Variants in SH3BGR observed in about 807,000 individuals in gnomAD.
The protein encoded by SH3BGR is SH3 domain binding glutamate rich protein, also known as SH3 domain-binding glutamic acid-rich protein.
Under a neutral mutation model 24.5 loss-of-function variants are expected in SH3BGR, and 29 were observed. The ratio of observed to expected loss-of-function variants is 1.18; its 90% CI spans 0.88 to 1.61. The LOEUF (loss-of-function observed/expected upper bound fraction) is 1.61, where lower values mean the gene tolerates loss of function less well. Ranked by LOEUF, SH3BGR falls within the 40% of genes most tolerant of loss-of-function variation. The probability of loss-of-function intolerance (pLI) is 0.00; values close to 1 mark genes in which losing one functional copy is unlikely to be tolerated. For synonymous variants in SH3BGR, 55 were observed against 65.7 expected (o/e 0.84, Z 0.79); for missense variants, 162 against 205.8 (o/e 0.79, Z 1.30).
chr21:39,466,786 T>G (rs1456332733), intron 2 of SH3BGR, among the ~76,000 whole-genome samples: 1 of 152,218 alleles, frequency 6.6e-6, no homozygotes, highest in Non-Finnish European at 1.5e-5. Context: ...AGACAGATTA[T>G]GGGAACTACA....
intron 4 of SH3BGR, among the ~76,000 whole-genome samples, 157 bp from the exon 5 acceptor site, chr21:39,508,841 C>CTATCATAA (rs1003027759): frequency 9.9e-5 from 15 of 152,264 alleles, no homozygotes; most frequent in African/African-American, 3.4e-4. Context: ...GATCACCCAG[C>CTATCATAA]TATCATATCT....
In SH3BGR at chr21:39,462,374, G is replaced by A; in HGVS notation, c.46-1G>A. 1 of 1,602,386 alleles carries A rather than the reference G, an allele frequency of 6.2e-7. No individual in the cohort carries two copies. The highest frequency in any genetic ancestry group is 8.5e-7 in the Non-Finnish European group (1 of 1,177,006). On this transcript the variant is annotated splice_acceptor_variant, in intron 1 of 6. Transcript: ENST00000333634. LOFTEE classifies it high-confidence loss of function. The stretch of plus-strand genomic sequence containing the variant: ...CCTAATATTTCTCTACTCTTGACCA[G>A]ATTAGGAAGAAACAGCAAGAAGTAG...
chr21:39,487,249 C>T (rs1199395824), intron 3 of SH3BGR, among the ~76,000 whole-genome samples: 1 of 152,090 alleles, frequency 6.6e-6, no homozygotes, highest in Non-Finnish European at 1.5e-5. Flanking sequence ...CTCAAGCGAT[C>T]CTCCCACCAC....
At chr21:39,484,954 A>T (rs1569163821) in intron 3 of SH3BGR, among the ~76,000 whole-genome samples, 1 of 152,242 alleles carries the variant, frequency 6.6e-6, no homozygotes, top group Non-Finnish European at 1.5e-5. Context: ...CAAGCTAAAA[A>T]TAGGTACTCT....
chr21:39,509,283 G>A (rs1193069425), intron 5 of SH3BGR, among the ~76,000 whole-genome samples: 1 of 152,114 alleles, frequency 6.6e-6, no homozygotes, highest in East Asian at 1.9e-4. Context: ...GTCTTCCGTG[G>A]TTTCTCACTG....
At chr21:39,512,653 G>A (rs1300614392) in intron 6 of SH3BGR, among the ~76,000 whole-genome samples, 1 of 152,108 alleles carries the variant, frequency 6.6e-6, no homozygotes, top group African/African-American at 2.4e-5. Flanking sequence ...TTAGCCGGGT[G>A]GGGTGGCTCA....
At chr21:39,490,046 C>T (rs1014294637) in intron 3 of SH3BGR, among the ~76,000 whole-genome samples, 6 of 152,060 alleles carry the variant, frequency 3.9e-5, no homozygotes, top group African/African-American at 7.2e-5. Flanking sequence ...TTCGAAAGGG[C>T]GCATCTCAAT....
At chr21:39,484,555 T>C (rs535613257) in intron 3 of SH3BGR, among the ~76,000 whole-genome samples, 1 of 152,342 alleles carries the variant, frequency 6.6e-6, no homozygotes, top group African/African-American at 2.4e-5. Context: ...GATCCTACCC[T>C]GATTTGTGCT....
intron 4 of SH3BGR, among the ~76,000 whole-genome samples, chr21:39,507,844 C>T (rs1043785189): frequency 2.0e-5 from 3 of 152,108 alleles, no homozygotes. Flanking sequence ...TGGTCTTGAA[C>T]TCCTGGCCTC....
Position 39,511,595 on chromosome 21 carries a change from C to T in SH3BGR, c.436-85C>T. 1 of 1,411,068 alleles carries T rather than the reference C, an allele frequency of 7.1e-7. No homozygotes were observed. 87.4% of individuals were successfully genotyped at this position (1,411,068 alleles called of 1,614,324 possible). ...GGTGGGGTGTGGGAGGCTTTGACCT[C>T]TAGTCCAGCATTTTACAGTCTTTTT... is the stretch of plus-strand genomic sequence containing the variant. On this transcript the variant is annotated intron_variant, in intron 5 of 6. Coordinates refer to ENST00000333634, the MANE Select transcript of SH3BGR (RefSeq NM_007341.3). The surrounding 1 kb of genome is among the most constrained non-coding windows in gnomAD (Gnocchi z 4.2).
intron 3 of SH3BGR, 118 bp from the exon 4 acceptor site, chr21:39,499,705 A>G (rs2078460710): frequency 1.5e-6 from 1 of 670,908 alleles, no homozygotes; most frequent in African/African-American, 1.8e-5. Flanking sequence ...TGGGCAGTCT[A>G]TGTTTGCTTC....
At chr21:39,447,331 C>T (rs2077505628), upstream of SH3BGR, among the ~76,000 whole-genome samples, 1 of 151,802 alleles carries the variant, frequency 6.6e-6, no homozygotes, top group Admixed American at 6.6e-5. Context: ...TGGTTTCCTC[C>T]TCTTTTCTAC....
Position 39,515,221 on chromosome 21 carries a change from G to A in SH3BGR, c.*168G>A, listed in dbSNP as rs2078760667. On this transcript the variant is annotated 3_prime_UTR_variant, in exon 7 of 7. Transcript: ENST00000333634. ...CCTGACCTGGTTAGATGTACATGGA[G>A]GTATCTCCCGAATCATACAAAATTA... The A allele has an allele frequency of 6.9e-6, 3 of 433,708 alleles. No individual in the cohort carries two copies. The highest frequency in any genetic ancestry group is 9.5e-6 in the Non-Finnish European group (2 of 209,522). 26.9% of individuals were successfully genotyped at this position (433,708 alleles called of 1,614,324 possible). A position where few individuals can be genotyped will look rare whatever the true frequency, so the allele number is the denominator to read the frequency against.
intron 1 of SH3BGR, 40 bp from the exon 2 acceptor site, chr21:39,462,335 T>G: frequency 6.7e-7 from 1 of 1,488,486 alleles, no homozygotes; most frequent in Non-Finnish European, 9.1e-7. Context: ...AAGCAAAATA[T>G]TTTTCATAAA....
At chr21:39,465,241 C>G (rs2077821353) in intron 2 of SH3BGR, among the ~76,000 whole-genome samples, 1 of 152,136 alleles carries the variant, frequency 6.6e-6, no homozygotes, top group African/African-American at 2.4e-5. Context: ...GCTACCTTCC[C>G]CTGAGCCAGG....
upstream of SH3BGR, among the ~76,000 whole-genome samples, chr21:39,449,426 C>T (rs2077548556): frequency 6.6e-6 from 1 of 152,190 alleles, no homozygotes; most frequent in Non-Finnish European, 1.5e-5. Flanking sequence ...CTGCTTGCAT[C>T]TTCACTAAAT....
chr21:39,512,848 T>C (rs904298940), intron 6 of SH3BGR, among the ~76,000 whole-genome samples: 2 of 152,188 alleles, frequency 1.3e-5, no homozygotes, highest in Admixed American at 6.5e-5. Context: ...CATTAAGTGC[T>C]ATAAAAATAT....
chr21:39,459,109 G>A (rs1463867634), intron 1 of SH3BGR, among the ~76,000 whole-genome samples: 2 of 151,436 alleles, frequency 1.3e-5, no homozygotes, highest in Admixed American at 6.6e-5. Context: ...AATGTCTTGT[G>A]CAAAGTAGAG....
intron 3 of SH3BGR, among the ~76,000 whole-genome samples, chr21:39,485,431 A>AT (rs1465883955): frequency 6.6e-6 from 1 of 152,222 alleles, no homozygotes. Context: ...CATTATTATG[A>AT]TGTATGGAAA....
Sources: allele counts gnomAD v4.1 joint callset (sites outside exome capture counted in the v4.1 genomes callset), GRCh38; gene constraint gnomAD v4.1.1; non-coding constraint Gnocchi (gnomAD v3.1); transcripts MANE v1.5; gene names NCBI Gene and HGNC (gene_info 2026-07-23, HGNC 2026-07-21).